Variants in CCDC33 observed in about 807,000 individuals in gnomAD.
CCDC33 encodes coiled-coil domain-containing protein 33.
CCDC33 carries 94 observed loss-of-function variants against 91.9 expected under a neutral mutation model. The observed-to-expected ratio is 1.02, with a 90% CI of 0.87 to 1.21. The LOEUF is 1.21. Ranked by LOEUF, CCDC33 falls within the 50% of genes most tolerant of loss-of-function variation. The probability of loss-of-function intolerance (pLI) is 0.00; values close to 1 mark genes in which losing one functional copy is unlikely to be tolerated. For missense variants in CCDC33, 940 were observed against 935.5 expected (o/e 1.00, Z -0.06); for synonymous variants, 396 against 374.5 (o/e 1.06, Z -0.66).
intron 2 of CCDC33, among the ~76,000 whole-genome samples, chr15:74,210,462 T>C (rs1166639915): frequency 6.6e-6 from 1 of 152,264 alleles, no homozygotes. Context: ...TCTCATTTTA[T>C]GCTTCTTTAA....
chr15:74,309,777 C>T (rs1260403554), intron 11 of CCDC33, among the ~76,000 whole-genome samples: 2 of 152,176 alleles, frequency 1.3e-5, no homozygotes, highest in Non-Finnish European at 2.9e-5. Flanking sequence ...CTGTGCCCCA[C>T]CCGTTCCAGA....
intron 1 of CCDC33, chr15:74,208,815 C>G: frequency 1.0e-6 from 1 of 989,582 alleles, no homozygotes; most frequent in Non-Finnish European, 1.2e-6. Context: ...ATCAAGCGCT[C>G]TCCTGACCTC....
Position 74,332,824 on chromosome 15 carries a change from T to G in CCDC33, c.1917T>G (p.Ile639Met), listed in dbSNP as rs774133977. ...ACCGCCACCAGCAGGCCCCCATCATTCTGCAGCAACAGGCCCTGCCGGTAA... is the reference window on the plus strand; with the variant it reads ...ACCGCCACCAGCAGGCCCCCATCATGCTGCAGCAACAGGCCCTGCCGGTAA... Reference protein sequence around the residue: ...DKNRHQQAPIILQQQALPDLL... With the variant: ...DKNRHQQAPIMLQQQALPDLL... Residue 639 changes from isoleucine to methionine, a missense_variant, in exon 16 of 19, where the codon ATT (isoleucine) becomes ATG (methionine). Coordinates refer to ENST00000398814, the MANE Select transcript of CCDC33 (RefSeq NM_025055.5). The G allele has an allele frequency of 1.9e-6, 3 of 1,613,974 alleles. No individual in the cohort carries two copies. In the Admixed American group the frequency reaches 5.0e-5, roughly 27 times the overall value.
chr15:74,228,673 C>T (rs757932631), intron 2 of CCDC33, among the ~76,000 whole-genome samples: 118 of 152,318 alleles, frequency 7.7e-4, no homozygotes, highest in African/African-American at 2.5e-3. Context: ...GGCATGGGAG[C>T]GAGGAGGTTG....
intron 2 of CCDC33, among the ~76,000 whole-genome samples, chr15:74,259,341 C>T (rs1232614281): frequency 1.3e-5 from 2 of 152,114 alleles, no homozygotes; most frequent in Non-Finnish European, 2.9e-5. Flanking sequence ...ACGTGCCCAT[C>T]TGCGGGGTGC....
intron 2 of CCDC33, among the ~76,000 whole-genome samples, chr15:74,252,443 A>G (rs557108503): frequency 6.6e-6 from 1 of 152,362 alleles, no homozygotes; most frequent in African/African-American, 2.4e-5. Context: ...GGATAGTCCC[A>G]GGAATAAGGC....
At position 74,266,244 on chromosome 15, in the gene CCDC33, C is replaced by A. The variant is rs141474351; in HGVS notation, c.320-434C>A. Among the ~76,000 whole-genome samples, 249 of 152,302 alleles carry A rather than the reference C, an allele frequency of 1.6e-3. 1 individual carries two copies. Among genetic ancestry groups the A allele is most frequent in the Middle Eastern group, 6.8e-3 (2 of 294 alleles). Reference sequence around the variant, plus strand: ...ACCTGCAACATGTGTGAGATAATCTCTCCCCATCCTGCCTCAAGAGCTGGC... The same window carrying A: ...ACCTGCAACATGTGTGAGATAATCTATCCCCATCCTGCCTCAAGAGCTGGC... On this transcript the variant is annotated intron_variant, in intron 3 of 18. Coordinates refer to ENST00000398814, the MANE Select transcript of CCDC33 (RefSeq NM_025055.5).
chr15:74,334,976 T>C lies in CCDC33; in HGVS notation c.2027T>C (p.Leu676Ser). 1 of 1,612,922 alleles carries C rather than the reference T, an allele frequency of 6.2e-7. No individual in the cohort carries two copies. The highest frequency in any genetic ancestry group is 1.1e-5 in the South Asian group (1 of 91,062). The change falls in exon 18 of 19, where the codon TTA becomes TCA. Residue 676 changes from leucine to serine, a missense_variant and splice_region_variant. Physicochemically the swap from Leu to Ser is moderately radical, Grantham distance 145 (BLOSUM62 -2). Transcript: ENST00000398814. ...AATTGTCCCTCTCTGTGTCTGCAGT[T>C]AGAGGACTCAGCTCGACGCTGGGGA... ...QSRILSLESQLEDSARRWGRE... is the reference protein window; with the variant it reads ...QSRILSLESQSEDSARRWGRE...
intron 2 of CCDC33, among the ~76,000 whole-genome samples, chr15:74,254,637 C>T (rs1356389559): frequency 6.6e-6 from 1 of 152,176 alleles, no homozygotes; most frequent in Non-Finnish European, 1.5e-5. Context: ...GATTTTCTAC[C>T]CTGTCTCTGG....
At chr15:74,336,362 C>T (rs2060567439), downstream of CCDC33, 1 of 1,342,478 alleles carries the variant, frequency 7.4e-7, no homozygotes, top group African/African-American at 1.5e-5. Flanking sequence ...CCTTCCAGAC[C>T]CGGAGAAGAA....
In CCDC33 at chr15:74,244,799, C is replaced by T. The variant is rs1394903650; in HGVS notation, c.185+651C>T. 2.0e-5 allele frequency among the ~76,000 whole-genome samples: 3 copies of T among 152,234 alleles called. No homozygotes were observed. Among genetic ancestry groups the T allele is most frequent in the Non-Finnish European group, 4.4e-5 (3 of 68,038 alleles). ...ACAATCTCCATCCAGCCAACCTTCG[C>T]TGGGGACACTGAATATTTGCTCAAT... On this transcript the variant is annotated intron_variant, in intron 2 of 18. Transcript: ENST00000398814. This position sits in a 1 kb window ranked among gnomAD's most constrained non-coding sequence, Gnocchi z 4.2.
chr15:74,322,590 G>T (rs1323639040), intron 11 of CCDC33, among the ~76,000 whole-genome samples: 1 of 152,222 alleles, frequency 6.6e-6, no homozygotes, highest in Non-Finnish European at 1.5e-5. Flanking sequence ...GGGGTTCCAG[G>T]GCTAGAGGTC....
Position 74,266,670 on chromosome 15 carries a change from C to G in CCDC33, c.320-8C>G, listed in dbSNP as rs762110386. 6.2e-7 allele frequency: 1 copy of G among 1,602,578 alleles called. No individual in the cohort carries two copies. Among genetic ancestry groups the G allele is most frequent in the Non-Finnish European group, 8.5e-7 (1 of 1,170,520 alleles). ...AAATAAACCTGGGCTCATTTTTTCT[C>G]TTTCCAGATGTGATCCTCAAGGTGG... On this transcript the variant is annotated splice_polypyrimidine_tract_variant and splice_region_variant and intron_variant, in intron 3 of 18. Coordinates refer to ENST00000398814, the MANE Select transcript of CCDC33 (RefSeq NM_025055.5).
chr15:74,263,054 G>A (rs1053442285), intron 3 of CCDC33, among the ~76,000 whole-genome samples: 7 of 152,188 alleles, frequency 4.6e-5, no homozygotes, highest in East Asian at 1.9e-4. Flanking sequence ...CAGGGTTCCC[G>A]CTGCTTCCAT....
intron 1 of CCDC33, 141 bp from the exon 2 acceptor site, chr15:74,243,844 C>G: frequency 6.7e-6 from 6 of 894,792 alleles, no homozygotes; most frequent in South Asian, 5.9e-5. Context: ...ACTGTGGAGG[C>G]TGAGGCAGGA....
chr15:74,331,011 C>A lies in CCDC33; in HGVS notation c.1576C>A (p.Leu526Met). Residue 526 changes from leucine (L) to methionine (M), a missense_variant, in exon 14 of 19, where the codon CTG (leucine) becomes ATG (methionine). Leu to Met is a conservative substitution (Grantham distance 15). Coordinates refer to ENST00000398814, the MANE Select transcript of CCDC33 (RefSeq NM_025055.5). ...KNDREKELLL[L>M]YQAQQPQAAL... is the part of the protein sequence containing the mutation. ...TGATCGAGAGAAGGAGCTGCTCCTT[C>A]TGTATCAGGCCCAGCAGCCACAGGC... The A allele has an allele frequency of 6.2e-7, 1 of 1,605,832 alleles. No individual in the cohort carries two copies. Among genetic ancestry groups the A allele is most frequent in the Non-Finnish European group, 8.5e-7 (1 of 1,176,120 alleles).
chr15:74,330,424 G>T, intron 12 of CCDC33, 70 bp downstream of exon 12: 1 of 1,461,160 alleles, frequency 6.8e-7, no homozygotes, highest in East Asian at 2.5e-5. Context: ...TGTGCAATAG[G>T]GTGGCTGGGA....
At chr15:74,329,200 T>A (rs2959004) in intron 11 of CCDC33, among the ~76,000 whole-genome samples, 95,507 of 151,852 alleles carry the variant, frequency 0.63, 30,480 homozygotes, top group Non-Finnish European at 0.7. Context: ...GCAGGCATGA[T>A]TTTTTCTCTC....
upstream of CCDC33, chr15:74,212,853 A>G (rs2074381344): frequency 2.6e-5 from 4 of 152,184 alleles, no homozygotes; most frequent in South Asian, 8.3e-4. Flanking sequence ...CTTTTCCCCA[A>G]AGCTAGCCAT....
Sources: allele counts gnomAD v4.1 joint callset (sites outside exome capture counted in the v4.1 genomes callset), GRCh38; gene constraint gnomAD v4.1.1; non-coding constraint Gnocchi (gnomAD v3.1); transcripts MANE v1.5; gene names NCBI Gene and HGNC (gene_info 2026-07-23, HGNC 2026-07-21).